The following GEMIN4 variants were observed in gnomAD, a reference collection of about 807,000 sequenced individuals.
The protein encoded by GEMIN4 is gem-associated protein 4.
In GEMIN4, 59 loss-of-function variants were observed where a neutral mutation model predicts 76.8. That is an observed-to-expected ratio of 0.77 (90% CI 0.62 to 0.95). The LOEUF is 0.95. GEMIN4 is among the 40% of genes least tolerant of loss of function. GEMIN4 has a pLI of 0.00. For synonymous variants in GEMIN4, 562 were observed against 559.7 expected, an observed-to-expected ratio of 1.00 and a Z score of -0.06; for missense variants, 1,311 against 1,318.9, an observed-to-expected ratio of 0.99 and a Z score of 0.09.
chr17:752,092 T>G, intron 1 of GEMIN4, 41 bp downstream of exon 1: 3 of 1,214,898 alleles, frequency 2.5e-6, no homozygotes, highest in Non-Finnish European at 2.1e-6. Flanking sequence ...TGGTGGCGCA[T>G]TGCTGGACGC....
chr17:752,808 C>G (rs995842193), upstream of GEMIN4: 13 of 173,592 alleles, frequency 7.5e-5, no homozygotes, highest in Non-Finnish European at 1.2e-4. Flanking sequence ...GTCTCCTCCC[C>G]CTGAGATCGA....
At chr17:752,509 C>T (rs1904799138), upstream of GEMIN4, 2 of 441,080 alleles carry the variant, frequency 4.5e-6, no homozygotes, top group Admixed American at 5.2e-5. Flanking sequence ...CCGGGCGTGC[C>T]CCGCACACAG....
chr17:750,130 T>G (rs1028133730), intron 1 of GEMIN4: 4 of 306,454 alleles, frequency 1.3e-5, no homozygotes, highest in African/African-American at 9.1e-5. Context: ...CTGAGGCAGG[T>G]GGATCCCTGA....
chr17:747,027 T>C lies in GEMIN4; in HGVS notation c.1016A>G (p.Gln339Arg). The C allele has an allele frequency of 6.2e-7, 1 of 1,613,388 alleles. No homozygotes were observed. The highest frequency in any genetic ancestry group is 2.2e-5 in the East Asian group (1 of 44,862). ...CCGGTAGCTGTCGTAACTTGTCCCC[T>C]GGCTGCTGCGGAGCACGGCCTGCAA... ...EELQAVLRSS[Q>R]GTSYDSYRLC... Residue 339 changes from glutamine (Q) to arginine (R), a missense_variant, in exon 2 of 2, where the codon CAG (glutamine) becomes CGG (arginine). Gln to Arg is a conservative substitution (Grantham distance 43). Coordinates refer to ENST00000319004, the MANE Select transcript of GEMIN4 (RefSeq NM_015721.3).
chr17:746,601 T>TG lies in GEMIN4; in HGVS notation c.1441dup (p.His481ProfsTer15). ...GTCTGCGTAACATTCCAGGATCAGG[T>TG]GGATCACCTGCCGGATCTGAGACTC... On this transcript the variant is annotated frameshift_variant, in exon 2 of 2. Transcript: ENST00000319004. LOFTEE classifies it high-confidence loss of function. The surrounding 1 kb of genome is among the most constrained non-coding windows in gnomAD (Gnocchi z 4.3). 6.2e-7 allele frequency: 1 copy of TG among 1,613,612 alleles called. No homozygotes were observed. The highest frequency in any genetic ancestry group is 8.5e-7 in the Non-Finnish European group (1 of 1,179,882).
At chr17:749,704 GC>G (rs1467042515) in intron 1 of GEMIN4, 1 of 501,086 alleles carries the variant, frequency 2.0e-6, no homozygotes, top group South Asian at 5.0e-5. Context: ...AACGGGCACA[GC>G]AGCAGTCACA....
Position 748,038 on chromosome 17 carries a change from C to T in GEMIN4, c.11-6G>A. On this transcript the variant is annotated splice_polypyrimidine_tract_variant and splice_region_variant and intron_variant, in intron 1 of 1. Transcript: ENST00000319004. ...TTCACAGATGTTCAAGGGTCCTGCACACAGACAAGCCAAATAAGACAGTAT... is the reference window on the plus strand; with the variant it reads ...TTCACAGATGTTCAAGGGTCCTGCATACAGACAAGCCAAATAAGACAGTAT... The T allele has an allele frequency of 6.3e-7, 1 of 1,588,130 alleles. No individual in the cohort carries two copies.
At chr17:750,798 A>G (rs1484116632) in intron 1 of GEMIN4, among the ~76,000 whole-genome samples, 1 of 152,126 alleles carries the variant, frequency 6.6e-6, no homozygotes, top group Non-Finnish European at 1.5e-5. Flanking sequence ...GCTCAGCACT[A>G]TGTAACCCAC....
Position 752,123 on chromosome 17 carries a change from C to T in GEMIN4, c.10+10G>A, listed in dbSNP as rs1597566259. ...GACGCAGCCCGGGGCCGGGGAGCCG[C>T]GGCACCCACCTAGGTCCATGGCGGC... On this transcript the variant is annotated intron_variant, in intron 1 of 1. Transcript: ENST00000319004. The T allele has an allele frequency of 8.1e-7, 1 of 1,237,472 alleles. No individual in the cohort carries two copies. Among genetic ancestry groups the T allele is most frequent in the East Asian group, 3.1e-5 (1 of 32,032 alleles). The allele number at this position is 1,237,472 out of a possible 1,614,324, so 76.7% of individuals were successfully genotyped here.
At chr17:751,251 T>G (rs569462425) in intron 1 of GEMIN4, among the ~76,000 whole-genome samples, 2 of 152,156 alleles carry the variant, frequency 1.3e-5, no homozygotes, top group Non-Finnish European at 2.9e-5. Flanking sequence ...GCTCTAGAGA[T>G]AAGGACACTG....
chr17:744,793 C>T lies in GEMIN4; in HGVS notation c.*73G>A, dbSNP rs189266653. 213 of 1,471,552 alleles carry T rather than the reference C, an allele frequency of 1.4e-4. No individual in the cohort carries two copies. The African/African-American group carries it at 2.3e-3, about 16-fold the overall frequency. 91.2% of individuals were successfully genotyped at this position (1,471,552 alleles called of 1,614,324 possible). On this transcript the variant is annotated 3_prime_UTR_variant, in exon 2 of 2. Transcript: ENST00000319004. ...CTGCCATGTTGAAGCCCAGCTTTTT[C>T]GCTCCCGCACAGGTAAGAAGCTGCT...
chr17:747,091 C>CA lies in GEMIN4; in HGVS notation c.951_952insT (p.Glu318Ter), dbSNP rs1567778658. 4 of 1,613,544 alleles carry CA rather than the reference C, an allele frequency of 2.5e-6. No individual in the cohort carries two copies. Among genetic ancestry groups the CA allele is most frequent in the Non-Finnish European group, 3.4e-6 (4 of 1,179,866 alleles). The stretch of plus-strand genomic sequence containing the variant: ...TCCCGCAGCAGGTGGTGCAGGAACT[C>CA]GCAGCCCACGAAAATGGTCTCACTG... On this transcript the variant is annotated frameshift_variant, in exon 2 of 2. Transcript: ENST00000319004. LOFTEE classifies it high-confidence loss of function.
Position 745,648 on chromosome 17 carries a change from C to T in GEMIN4, c.2395G>A (p.Asp799Asn). Reference sequence around the variant, plus strand: ...GGGTGGGCCTGGGAGGTCCACTCGTCTTCTGAAAGCTTACAGATCTCAAAA... The same window carrying T: ...GGGTGGGCCTGGGAGGTCCACTCGTTTTCTGAAAGCTTACAGATCTCAAAA... ...TLFEICKLSE[D>N]EWTSQAHPGY... Residue 799 changes from aspartate (D) to asparagine (N), a missense_variant, in exon 2 of 2, where the codon GAC (aspartate) becomes AAC (asparagine). Asp to Asn is a conservative substitution (Grantham distance 23, BLOSUM62 1). Coordinates refer to ENST00000319004, the MANE Select transcript of GEMIN4 (RefSeq NM_015721.3). This position sits in a 1 kb window ranked among gnomAD's most constrained non-coding sequence, Gnocchi z 4.6. The T allele has an allele frequency of 1.3e-6, 2 of 1,597,902 alleles. No individual in the cohort carries two copies. The highest frequency in any genetic ancestry group is 1.7e-6 in the Non-Finnish European group (2 of 1,172,762).
rs750961645 is a variant in GEMIN4 at position 746,426 on chromosome 17, T to C, written c.1617A>G (p.Glu539=). The C allele has an allele frequency of 8.7e-6, 14 of 1,613,836 alleles. No individual in the cohort carries two copies. In the South Asian group the frequency reaches 1.5e-4, roughly 18 times the overall value. Residue 539 remains glutamate, a synonymous_variant, in exon 2 of 2, where the codon GAA becomes GAG. Transcript: ENST00000319004. This position sits in a 1 kb window ranked among gnomAD's most constrained non-coding sequence, Gnocchi z 4.3. ...TFNQLTQSAS[E]QGLAKAVASV... Reference sequence around the variant, plus strand: ...AGGCCACAGCTTTTGCCAAGCCCTGTTCGGAGGCACTCTGAGTGAGCTGGT... The same window carrying C: ...AGGCCACAGCTTTTGCCAAGCCCTGCTCGGAGGCACTCTGAGTGAGCTGGT...
Position 746,930 on chromosome 17 carries a change from C to T in GEMIN4, c.1113G>A (p.Glu371=). 1 of 1,613,760 alleles carries T rather than the reference C, an allele frequency of 6.2e-7. No individual in the cohort carries two copies. Among genetic ancestry groups the T allele is most frequent in the East Asian group, 2.2e-5 (1 of 44,886 alleles). The change falls in exon 2 of 2, where the codon GAG becomes GAA. Residue 371 remains glutamate, a synonymous_variant. Coordinates refer to ENST00000319004, the MANE Select transcript of GEMIN4 (RefSeq NM_015721.3). This position sits in a 1 kb window ranked among gnomAD's most constrained non-coding sequence, Gnocchi z 4.3. ...LYLNRTSLSK[E]DRQVVSELAE... ...CCAGCTCAGAGACCACCTGCCTGTC[C>T]TCCTTGGACAGGCTGGTGCGGTTCA...
rs1974314699 is a variant in GEMIN4 at position 744,561 on chromosome 17, A to G, written c.*305T>C. On this transcript the variant is annotated 3_prime_UTR_variant, in exon 2 of 2. Coordinates refer to ENST00000319004, the MANE Select transcript of GEMIN4 (RefSeq NM_015721.3). ...TTTGATCTTGAAGACACTAAACCCA[A>G]TTTCAGAGCATATTTAATCCTGGGC... 3.7e-6 allele frequency: 1 copy of G among 270,408 alleles called. No homozygotes were observed. Among genetic ancestry groups the G allele is most frequent in the Admixed American group, 4.8e-5 (1 of 20,702 alleles). The allele number at this position is 270,408 out of a possible 1,614,324, so 16.8% of individuals were successfully genotyped here.
Position 744,678 on chromosome 17 carries a change from A to T in GEMIN4, c.*188T>A. On this transcript the variant is annotated 3_prime_UTR_variant, in exon 2 of 2. Transcript: ENST00000319004. ...GTACGTTACAAATACCCAAGAAACT[A>T]TTTTCTTTACACCATTATTGCCATG... The T allele has an allele frequency of 1.7e-6, 1 of 575,478 alleles. No homozygotes were observed. The highest frequency in any genetic ancestry group is 3.0e-6 in the Non-Finnish European group (1 of 335,164). The allele number at this position is 575,478 out of a possible 1,614,324, so 35.6% of individuals were successfully genotyped here.
chr17:749,375 T>A lies in GEMIN4; in HGVS notation c.11-1343A>T, dbSNP rs1295100756. On this transcript the variant is annotated intron_variant, in intron 1 of 1. Transcript: ENST00000319004. ...CACAGGGTAATGGGCACAGCAGCAA[T>A]CACACGGCCACAGGATAATGGGCAC... 3 of 150,938 alleles carry A rather than the reference T, an allele frequency of 2.0e-5. 1 individual carries two copies. Among genetic ancestry groups the A allele is most frequent in the East Asian group, 5.0e-4 (2 of 3,990 alleles). 9.3% of individuals were successfully genotyped at this position (150,938 alleles called of 1,614,324 possible). A position where few individuals can be genotyped will look rare whatever the true frequency, so the allele number is the denominator to read the frequency against.
At chr17:754,287 T>C (rs946010206), upstream of GEMIN4, 4 of 152,166 alleles carry the variant, frequency 2.6e-5, no homozygotes, top group Non-Finnish European at 4.4e-5. Flanking sequence ...AGGAGCCTCA[T>C]ACACAACCAT....
Sources: allele counts gnomAD v4.1 joint callset (sites outside exome capture counted in the v4.1 genomes callset), GRCh38; gene constraint gnomAD v4.1.1; non-coding constraint Gnocchi (gnomAD v3.1); transcripts MANE v1.5; gene names NCBI Gene and HGNC (gene_info 2026-07-23, HGNC 2026-07-21).